The following TFAP2D variants were observed in gnomAD, a reference collection of about 807,000 sequenced individuals.
TFAP2D encodes the protein transcription factor AP-2 delta.
A neutral mutation model predicts 43.6 loss-of-function variants in TFAP2D; 9 were observed. That is an observed-to-expected ratio of 0.21 (90% CI 0.12 to 0.36). The LOEUF is 0.36. TFAP2D is among the 10% of genes least tolerant of loss of function. The probability of loss-of-function intolerance (pLI) is 1.00; values close to 1 mark genes in which losing one functional copy is unlikely to be tolerated. For missense variants in TFAP2D, 513 were observed against 561.4 expected, an observed-to-expected ratio of 0.91 and a Z score of 0.87; for synonymous variants, 256 against 224.9, an observed-to-expected ratio of 1.14 and a Z score of -1.24.
In TFAP2D at chr6:50,772,633, T is replaced by C. The variant is rs1561943659; in HGVS notation, c.1140-12T>C. 1 of 1,612,278 alleles carries C rather than the reference T, an allele frequency of 6.2e-7. No individual in the cohort carries two copies. The highest frequency in any genetic ancestry group is 1.7e-5 in the Admixed American group (1 of 59,990). On this transcript the variant is annotated splice_polypyrimidine_tract_variant and intron_variant, in intron 7 of 7. Transcript: ENST00000008391. Reference sequence around the variant, plus strand: ...CATTCACCTCTTTTTTCCTATCACTTCTCATTTCCAGTTTGATCACTCATG... The same window carrying C: ...CATTCACCTCTTTTTTCCTATCACTCCTCATTTCCAGTTTGATCACTCATG...
chr6:50,737,997 C>G (rs571407290), intron 5 of TFAP2D, among the ~76,000 whole-genome samples: 1 of 152,022 alleles, frequency 6.6e-6, no homozygotes, highest in Non-Finnish European at 1.5e-5. Flanking sequence ...GGCAGATTCT[C>G]CTTAATAGTG....
At chr6:50,772,251 G>A (rs1489464215) in intron 7 of TFAP2D, among the ~76,000 whole-genome samples, 2 of 152,052 alleles carry the variant, frequency 1.3e-5, no homozygotes, top group Non-Finnish European at 2.9e-5. Context: ...TGGGGTGGGC[G>A]GAGGGGGGAG....
chr6:50,751,418 T>C, intron 7 of TFAP2D, 94 bp downstream of exon 7: 1 of 842,198 alleles, frequency 1.2e-6, no homozygotes, highest in South Asian at 1.5e-5. Flanking sequence ...CTTATATGTT[T>C]ATATGGTGAC....
intron 7 of TFAP2D, among the ~76,000 whole-genome samples, chr6:50,751,655 G>A (rs150276634): frequency 0.047 from 7,151 of 151,828 alleles, 199 homozygotes; most frequent in Non-Finnish European, 0.054. Context: ...TTTTATAAGG[G>A]CACTAATCCT....
In TFAP2D at chr6:50,772,970, TC is replaced by T; in HGVS notation, c.*110del. The T allele has an allele frequency of 2.2e-6, 2 of 924,004 alleles. No homozygotes were observed. The highest frequency in any genetic ancestry group is 3.0e-5 in the East Asian group (1 of 32,886). The allele number at this position is 924,004 out of a possible 1,614,324, so 57.2% of individuals were successfully genotyped here. A position where few individuals can be genotyped will look rare whatever the true frequency, so the allele number is the denominator to read the frequency against. On this transcript the variant is annotated 3_prime_UTR_variant, in exon 8 of 8. Transcript: ENST00000008391. ...CTTCAGTGGACCAAATCTCTACCCT[TC>T]CCCAACCCTCCATAAAAAAACAAAA...
chr6:50,728,631 C>T (rs555076953), intron 3 of TFAP2D, among the ~76,000 whole-genome samples: 8 of 152,154 alleles, frequency 5.3e-5, no homozygotes, highest in Non-Finnish European at 1.2e-4. Flanking sequence ...ATGTTTCTAA[C>T]AATTGTACAC....
chr6:50,718,029 C>T (rs554976885), intron 2 of TFAP2D: 35 of 152,306 alleles, frequency 2.3e-4, no homozygotes, highest in African/African-American at 7.7e-4. Context: ...TCAGTTCCAT[C>T]TTTGAGTCCC....
At chr6:50,742,524 T>C (rs1054428752) in intron 5 of TFAP2D, among the ~76,000 whole-genome samples, 10 of 150,978 alleles carry the variant, frequency 6.6e-5, no homozygotes, top group Admixed American at 4.0e-4. Flanking sequence ...AGAAAAAGGA[T>C]TGGATGGATG....
intron 7 of TFAP2D, among the ~76,000 whole-genome samples, chr6:50,769,710 T>C (rs2113896688): frequency 6.6e-6 from 1 of 152,216 alleles, no homozygotes; most frequent in South Asian, 2.1e-4. Context: ...CCACAGAAAA[T>C]GTGATTTCTC....
intron 7 of TFAP2D, among the ~76,000 whole-genome samples, chr6:50,768,798 T>A (rs984431389): frequency 2.6e-5 from 4 of 152,198 alleles, no homozygotes; most frequent in African/African-American, 9.6e-5. Context: ...TACATAATGT[T>A]TTTCATATTG....
chr6:50,745,290 T>A (rs1256946483), intron 6 of TFAP2D, 42 bp downstream of exon 6: 1 of 1,599,444 alleles, frequency 6.3e-7, no homozygotes, highest in Non-Finnish European at 8.5e-7. Flanking sequence ...TCATCTTCAG[T>A]ATTTTTTTTT....
chr6:50,750,047 A>G (rs1769180136), intron 6 of TFAP2D, among the ~76,000 whole-genome samples: 1 of 151,922 alleles, frequency 6.6e-6, no homozygotes, highest in African/African-American at 2.4e-5. Context: ...GTGATCTTTG[A>G]TGGAATTCAA....
At chr6:50,727,933 C>A (rs866979193) in intron 3 of TFAP2D, among the ~76,000 whole-genome samples, 12 of 152,028 alleles carry the variant, frequency 7.9e-5, no homozygotes, top group Admixed American at 3.3e-4. Flanking sequence ...ACCTTTGGAT[C>A]GTCAAGTCCT....
chr6:50,722,184 TC>T (rs1768736818), intron 3 of TFAP2D, among the ~76,000 whole-genome samples: 1 of 152,194 alleles, frequency 6.6e-6, no homozygotes, highest in African/African-American at 2.4e-5. Context: ...GAGGCGCAGC[TC>T]CCTGCGTGCT....
At chr6:50,735,139 A>C (rs1320209553) in intron 5 of TFAP2D, among the ~76,000 whole-genome samples, 1 of 152,124 alleles carries the variant, frequency 6.6e-6, no homozygotes, top group Non-Finnish European at 1.5e-5. Flanking sequence ...GCCCAGAATA[A>C]AGTCATTATT....
At position 50,772,984 on chromosome 6, in the gene TFAP2D, TA is replaced by T; in HGVS notation, c.*127del. ...ATCTCTACCCTTCCCCAACCCTCCATAAAAAAACAAAAATGGAAATGAAAAA... is the reference window on the plus strand; with the variant it reads ...ATCTCTACCCTTCCCCAACCCTCCATAAAAAACAAAAATGGAAATGAAAAA... On this transcript the variant is annotated 3_prime_UTR_variant, in exon 8 of 8. Coordinates refer to ENST00000008391, the MANE Select transcript of TFAP2D (RefSeq NM_172238.4). 1 of 703,550 alleles carries T rather than the reference TA, an allele frequency of 1.4e-6. No homozygotes were observed. The highest frequency in any genetic ancestry group is 1.9e-6 in the Non-Finnish European group (1 of 533,226). 43.6% of individuals were successfully genotyped at this position (703,550 alleles called of 1,614,324 possible). A position where few individuals can be genotyped will look rare whatever the true frequency, so the allele number is the denominator to read the frequency against.
intron 7 of TFAP2D, among the ~76,000 whole-genome samples, chr6:50,770,071 AG>A (rs1298047405): frequency 6.6e-6 from 1 of 152,204 alleles, no homozygotes; most frequent in Non-Finnish European, 1.5e-5. Flanking sequence ...ATAAAACATG[AG>A]AAAAGAGACA....
chr6:50,769,507 G>A (rs1011672703), intron 7 of TFAP2D, among the ~76,000 whole-genome samples: 17 of 152,130 alleles, frequency 1.1e-4, no homozygotes, highest in Non-Finnish European at 2.2e-4. Context: ...CAGCTTAAGA[G>A]GAATCTTTAA....
At chr6:50,763,784 T>C (rs1221753666) in intron 7 of TFAP2D, among the ~76,000 whole-genome samples, 3 of 152,102 alleles carry the variant, frequency 2.0e-5, no homozygotes, top group Non-Finnish European at 2.9e-5. Context: ...TCAGTTTATA[T>C]GAAACTCTGG....
Sources: allele counts gnomAD v4.1 joint callset (sites outside exome capture counted in the v4.1 genomes callset), GRCh38; gene constraint gnomAD v4.1.1; transcripts MANE v1.5; gene names NCBI Gene and HGNC (gene_info 2026-07-23, HGNC 2026-07-21).